The following CDH18 variants were observed in gnomAD, a reference collection of about 807,000 sequenced individuals.
CDH18 encodes cadherin-18.
Under a neutral mutation model 67.9 loss-of-function variants are expected in CDH18, and 31 were observed. That is an observed-to-expected ratio of 0.46 (90% CI 0.34 to 0.62). The LOEUF (loss-of-function observed/expected upper bound fraction) is 0.62. Ranked by LOEUF, CDH18 falls within the 20% of genes least tolerant of loss-of-function variation. The pLI is 0.01. For synonymous variants in CDH18, 362 were observed against 347.2 expected, an observed-to-expected ratio of 1.04 and a Z score of -0.48; for missense variants, 890 against 975.5, an observed-to-expected ratio of 0.91 and a Z score of 1.17.
intron 2 of CDH18, among the ~76,000 whole-genome samples, chr5:20,076,621 T>G (rs1299251061): frequency 2.0e-5 from 3 of 152,116 alleles, no homozygotes; most frequent in Non-Finnish European, 4.4e-5. Flanking sequence ...ATAGTAAATT[T>G]ATAAAAACAT....
intron 1 of CDH18, among the ~76,000 whole-genome samples, chr5:20,308,849 G>T (rs1736729086): frequency 6.6e-6 from 1 of 152,158 alleles, no homozygotes; most frequent in Non-Finnish European, 1.5e-5. Context: ...AGACAATTAT[G>T]TGGCATTTTC....
intron 6 of CDH18, among the ~76,000 whole-genome samples, chr5:19,610,818 C>T (rs1748830890): frequency 6.6e-6 from 1 of 151,948 alleles, no homozygotes. Flanking sequence ...AAAGTTCATC[C>T]TAATCTGCAA....
In CDH18 at chr5:20,198,850, A is replaced by T. The variant is rs575576121; in HGVS notation, c.-518+56594T>A. On this transcript the variant is annotated intron_variant, in intron 2 of 14. Transcript: ENST00000507958. ...CCCAGTTGCTCCAGCTGTGGCTAAA[A>T]GGGGCCAAGGTATAGCCTGGGTTAT... Among the ~76,000 whole-genome samples the T allele has an allele frequency of 2.0e-5, 3 of 152,316 alleles. No homozygotes were observed. The South Asian group carries it at 6.2e-4, about 32-fold the overall frequency.
intron 2 of CDH18, among the ~76,000 whole-genome samples, chr5:19,914,705 T>C (rs1416475106): frequency 1.3e-5 from 2 of 152,142 alleles, no homozygotes; most frequent in Non-Finnish European, 2.9e-5. Flanking sequence ...TTGAATTTTA[T>C]GCATTTTGAG....
chr5:20,314,283 A>C (rs1737266499), intron 1 of CDH18, among the ~76,000 whole-genome samples: 1 of 152,014 alleles, frequency 6.6e-6, no homozygotes, highest in African/African-American at 2.4e-5. Flanking sequence ...GGCTCACTAA[A>C]GTCTGAGGTT....
At chr5:20,074,677 A>G (rs1246477986) in intron 2 of CDH18, among the ~76,000 whole-genome samples, 2 of 151,944 alleles carry the variant, frequency 1.3e-5, no homozygotes, top group South Asian at 2.1e-4. Flanking sequence ...TGACCTTACA[A>G]TCAGAATCTC....
At chr5:19,652,778 G>A (rs1044806867) in intron 5 of CDH18, among the ~76,000 whole-genome samples, 1 of 152,088 alleles carries the variant, frequency 6.6e-6, no homozygotes. Context: ...ACAGAACTAG[G>A]CATGATGCTA....
intron 1 of CDH18, among the ~76,000 whole-genome samples, chr5:20,384,038 A>G (rs1387606710): frequency 3.9e-5 from 6 of 152,172 alleles, no homozygotes; most frequent in Non-Finnish European, 5.9e-5. Context: ...TTTAGCAAGC[A>G]GTAAAGTTTT....
intron 2 of CDH18, among the ~76,000 whole-genome samples, chr5:20,026,045 A>G (rs776736198): frequency 6.6e-6 from 1 of 152,156 alleles, no homozygotes; most frequent in Non-Finnish European, 1.5e-5. Flanking sequence ...ACATTGCTGT[A>G]TTTTTCTATT....
chr5:20,039,664 A>G (rs1740224944), intron 2 of CDH18, among the ~76,000 whole-genome samples: 1 of 152,220 alleles, frequency 6.6e-6, no homozygotes, highest in Admixed American at 6.5e-5. Context: ...CTGAAACTGG[A>G]TCCCTTCCTT....
At chr5:19,640,551 A>T (rs1411996747) in intron 5 of CDH18, among the ~76,000 whole-genome samples, 2 of 152,240 alleles carry the variant, frequency 1.3e-5, no homozygotes, top group East Asian at 3.9e-4. Context: ...AACAGAAATA[A>T]CCAGAAATAT....
At chr5:19,670,156 G>C (rs1042968687) in intron 5 of CDH18, among the ~76,000 whole-genome samples, 1 of 151,956 alleles carries the variant, frequency 6.6e-6, no homozygotes, top group Non-Finnish European at 1.5e-5. Context: ...GAACTAGCAG[G>C]AAAGGAAAAA....
chr5:20,486,172 C>T lies in CDH18; in HGVS notation c.-580+89290G>A, dbSNP rs376850627. 5.9e-5 allele frequency among the ~76,000 whole-genome samples: 9 copies of T among 152,188 alleles called. No individual in the cohort carries two copies. The East Asian group carries it at 9.7e-4, about 16-fold the overall frequency. On this transcript the variant is annotated intron_variant, in intron 1 of 14. Coordinates refer to the CDH18 transcript ENST00000507958. ...ATGTGAATGGAAGACTAGATAAGCC[C>T]TAAGTATATTAGACTAGCAAGGACT...
At chr5:19,716,242 A>G (rs953558988) in intron 5 of CDH18, among the ~76,000 whole-genome samples, 3 of 152,130 alleles carry the variant, frequency 2.0e-5, no homozygotes, top group Admixed American at 6.6e-5. Flanking sequence ...GTTTATACAC[A>G]TGGAAACAGA....
At chr5:20,295,859 C>A (rs533029113) in intron 1 of CDH18, among the ~76,000 whole-genome samples, 100 of 133,412 alleles carry the variant, frequency 7.5e-4, no homozygotes, top group Non-Finnish European at 1.3e-3. Context: ...ATTTTATTTT[C>A]TTTCTTTTTT....
chr5:20,093,274 T>G (rs967499046), intron 2 of CDH18, among the ~76,000 whole-genome samples: 6 of 151,796 alleles, frequency 4.0e-5, no homozygotes, highest in African/African-American at 1.4e-4. Context: ...TTAACATTTT[T>G]CAATTACAAC....
intron 1 of CDH18, among the ~76,000 whole-genome samples, chr5:20,548,273 T>C (rs1757449117): frequency 6.6e-6 from 1 of 151,628 alleles, no homozygotes; most frequent in Non-Finnish European, 1.5e-5. Context: ...GTCATCTATG[T>C]AGTCATTACT....
chr5:20,153,131 A>G (rs1751252849), intron 2 of CDH18, among the ~76,000 whole-genome samples: 1 of 151,846 alleles, frequency 6.6e-6, no homozygotes, highest in South Asian at 2.1e-4. Flanking sequence ...TTTAGTACAG[A>G]CGGGGTTTCA....
chr5:20,261,786 T>C (rs1162308579), intron 1 of CDH18, among the ~76,000 whole-genome samples: 1 of 152,168 alleles, frequency 6.6e-6, no homozygotes. Context: ...GGTTTTGTAC[T>C]TTCAACCTAA....
Sources: allele counts gnomAD v4.1 joint callset (sites outside exome capture counted in the v4.1 genomes callset), GRCh38; gene constraint gnomAD v4.1.1; transcripts MANE v1.5; gene names NCBI Gene and HGNC (gene_info 2026-07-23, HGNC 2026-07-21).